The following ZNF2 variants were observed in gnomAD, a reference collection of about 807,000 sequenced individuals.
ZNF2 encodes the protein zinc finger protein 2.2.
A neutral mutation model predicts 21.9 loss-of-function variants in ZNF2; 12 were observed. The observed-to-expected ratio is 0.55, with a 90% confidence interval of 0.35 to 0.89. ZNF2 has a LOEUF of 0.89. ZNF2 is among the 40% of genes least tolerant of loss of function. The pLI, the probability that ZNF2 is intolerant of heterozygous loss-of-function variation, is 0.01. For missense variants in ZNF2, 462 were observed against 544.2 expected (o/e 0.85, Z 1.50); for synonymous variants, 186 against 196.3 (o/e 0.95, Z 0.44).
rs372246160 is a variant in ZNF2 at position 95,182,010 on chromosome 2, G to A, written c.1182G>A (p.Glu394=). 1.9e-4 allele frequency: 313 copies of A among 1,614,160 alleles called. No individual in the cohort carries two copies. The highest frequency in any genetic ancestry group is 2.5e-4 in the Non-Finnish European group (292 of 1,180,060). The change falls in exon 5 of 5, where the codon GAG becomes GAA. Residue 394 remains glutamate, a synonymous_variant. Coordinates refer to ENST00000614034, the MANE Select transcript of ZNF2 (RefSeq NM_021088.4). The stretch of plus-strand genomic sequence containing the variant: ...GGCATCAGCGTGTCCACACGGGAGA[G>A]AAGCCCTTTGAATGCACTGTGTGTG... ...LTRHQRVHTG[E]KPFECTVCGK...
chr2:95,179,464 A>G (rs1674563133), intron 3 of ZNF2, among the ~76,000 whole-genome samples: 1 of 152,246 alleles, frequency 6.6e-6, no homozygotes, highest in Non-Finnish European at 1.5e-5. Context: ...TGTTCAAGGC[A>G]AACAAATAAA....
At position 95,177,590 on chromosome 2, in the gene ZNF2, T is replaced by C; in HGVS notation, c.141T>C (p.Tyr47=). The C allele has an allele frequency of 6.2e-7, 1 of 1,613,944 alleles. No individual in the cohort carries two copies. Among genetic ancestry groups the C allele is most frequent in the Non-Finnish European group, 8.5e-7 (1 of 1,179,932 alleles). The part of the protein sequence containing the change: ...DLYKEVMLEN[Y]NSIVSLGLPV... ...ACAAGGAGGTGATGCTGGAGAACTATAACAGCATTGTGTCATTGGGTAAGG... is the reference window on the plus strand; with the variant it reads ...ACAAGGAGGTGATGCTGGAGAACTACAACAGCATTGTGTCATTGGGTAAGG... Residue 47 remains tyrosine, a synonymous_variant, in exon 3 of 5, where the codon TAT becomes TAC. Transcript: ENST00000614034.
chr2:95,172,888 C>G (rs1470239208), intron 1 of ZNF2, among the ~76,000 whole-genome samples: 1 of 151,884 alleles, frequency 6.6e-6, no homozygotes, highest in East Asian at 1.9e-4. Context: ...CCACACGCCT[C>G]GGTCTCCCAA....
chr2:95,181,367 A>C lies in ZNF2; in HGVS notation c.539A>C (p.Lys180Thr), dbSNP rs779999644. 14 of 1,614,234 alleles carry C rather than the reference A, an allele frequency of 8.7e-6. No homozygotes were observed. The highest frequency in any genetic ancestry group is 9.3e-6 in the Non-Finnish European group (11 of 1,180,042). ...CACCAGGAATGCAGTGACTGTGGGA[A>C]GACCTTTTTTGACCACTCATCCCTC... ...ERHQECSDCG[K>T]TFFDHSSLTR... The change falls in exon 5 of 5, where the codon AAG (lysine) becomes ACG (threonine). Residue 180 changes from lysine (K) to threonine (T), a missense_variant. By Grantham distance (78) the Lys-to-Thr change is moderately conservative (BLOSUM62 -1). Transcript: ENST00000614034.
In ZNF2 at chr2:95,176,124, G is replaced by C. The variant is rs575625178; in HGVS notation, c.-39-64G>C. ...CTGGTATGTGCTTCATGGGTCAAAA[G>C]ACTATGCGACAGGACTGGTCTTTCT... On this transcript the variant is annotated intron_variant, in intron 1 of 4. Coordinates refer to ENST00000614034, the MANE Select transcript of ZNF2 (RefSeq NM_021088.4). The C allele has an allele frequency of 7.0e-6, 10 of 1,419,946 alleles. No individual in the cohort carries two copies. The African/African-American group carries it at 1.1e-4, about 16-fold the overall frequency. 88.0% of individuals were successfully genotyped at this position (1,419,946 alleles called of 1,614,324 possible).
chr2:95,175,865 AT>A (rs753482884), intron 1 of ZNF2, among the ~76,000 whole-genome samples: 19 of 152,192 alleles, frequency 1.2e-4, no homozygotes, highest in Non-Finnish European at 2.4e-4. Flanking sequence ...TTGCCCAGTA[AT>A]CATTCAGGGC....
intron 1 of ZNF2, among the ~76,000 whole-genome samples, chr2:95,174,667 T>C (rs1674383378): frequency 6.6e-6 from 1 of 152,212 alleles, no homozygotes; most frequent in African/African-American, 2.4e-5. Flanking sequence ...CCCTGCTGGG[T>C]TAGGTGAGCC....
At chr2:95,180,925 T>G in intron 4 of ZNF2, 178 bp from the exon 5 acceptor site, 1 of 700,016 alleles carries the variant, frequency 1.4e-6, no homozygotes, top group Non-Finnish European at 2.4e-6. Context: ...CCATCCATTC[T>G]GTTCCCTGCC....
At position 95,181,602 on chromosome 2, in the gene ZNF2, G is replaced by A; in HGVS notation, c.774G>A (p.Gln258=). The part of the protein sequence containing the change: ...QRIHTGEKPF[Q]CNECGKAFFD... ...TTCACACTGGAGAGAAACCCTTTCA[G>A]TGCAACGAGTGTGGAAAAGCCTTTT... Residue 258 remains glutamine, a synonymous_variant, in exon 5 of 5, where the codon CAG becomes CAA. Transcript: ENST00000614034. 6.2e-7 allele frequency: 1 copy of A among 1,614,194 alleles called. No homozygotes were observed. Among genetic ancestry groups the A allele is most frequent in the Non-Finnish European group, 8.5e-7 (1 of 1,180,028 alleles).
chr2:95,178,040 C>T (rs931615609), intron 3 of ZNF2, among the ~76,000 whole-genome samples: 1 of 152,124 alleles, frequency 6.6e-6, no homozygotes, highest in Non-Finnish European at 1.5e-5. Flanking sequence ...GGGTAGGGGG[C>T]CATCTTGTCG....
At chr2:95,167,078 A>G (rs1454868792) in intron 1 of ZNF2, among the ~76,000 whole-genome samples, 1 of 152,212 alleles carries the variant, frequency 6.6e-6, no homozygotes, top group African/African-American at 2.4e-5. Context: ...TTCCAGGGCA[A>G]AAGTGGGGAA....
intron 1 of ZNF2, among the ~76,000 whole-genome samples, chr2:95,169,604 G>A (rs1252551632): frequency 1.3e-5 from 2 of 152,066 alleles, no homozygotes; most frequent in Admixed American, 6.6e-5. Context: ...ACAAAAATTA[G>A]CCAGGCATGG....
At position 95,180,244 on chromosome 2, in the gene ZNF2, G is replaced by A; in HGVS notation, c.246G>A (p.Glu82=). 4 of 1,613,710 alleles carry A rather than the reference G, an allele frequency of 2.5e-6. No homozygotes were observed. The highest frequency in any genetic ancestry group is 3.4e-6 in the Non-Finnish European group (4 of 1,179,728). ...TGGTAGATCTTCATGGGTCTGAGGA[G>A]AGAGAATGGCCAGAGAGTGTCTCTC... The part of the protein sequence containing the change: ...PWMVDLHGSE[E]REWPESVSLD... Residue 82 remains glutamate (E), a synonymous_variant, in exon 4 of 5, where the codon GAG becomes GAA. Transcript: ENST00000614034.
At chr2:95,176,480 AGCCTTCACTGTGAGTGATTTT>A (rs1333109576) in intron 2 of ZNF2, among the ~76,000 whole-genome samples, 2 of 152,100 alleles carry the variant, frequency 1.3e-5, no homozygotes, top group Non-Finnish European at 2.9e-5. Flanking sequence ...CAACTCCTGG[AGCCTTCACTGTGAGTGATTTT>A]GCCTAGAAGC....
At position 95,181,627 on chromosome 2, in the gene ZNF2, T is replaced by A; in HGVS notation, c.799T>A (p.Phe267Ile). Reference sequence around the variant, plus strand: ...GTGCAACGAGTGTGGAAAAGCCTTTTTTGACCGTTCATCCCTTACTCGACA... The same window carrying A: ...GTGCAACGAGTGTGGAAAAGCCTTTATTGACCGTTCATCCCTTACTCGACA... The part of the protein sequence containing the change: ...FQCNECGKAF[F>I]DRSSLTRHQR... Residue 267 changes from phenylalanine (F) to isoleucine (I), a missense_variant, in exon 5 of 5, where the codon TTT (phenylalanine) becomes ATT (isoleucine). Physicochemically the swap from Phe to Ile is conservative, Grantham distance 21. Transcript: ENST00000614034. 1 of 1,614,230 alleles carries A rather than the reference T, an allele frequency of 6.2e-7. No homozygotes were observed. Among genetic ancestry groups the A allele is most frequent in the Non-Finnish European group, 8.5e-7 (1 of 1,180,034 alleles).
chr2:95,177,550 T>C lies in ZNF2; in HGVS notation c.101T>C (p.Ile34Thr), dbSNP rs1368623200. The change falls in exon 3 of 5, where the codon ATA (isoleucine) becomes ACA (threonine). Residue 34 changes from isoleucine (I) to threonine (T), a missense_variant. Ile to Thr is a moderately conservative substitution (Grantham distance 89). Coordinates refer to ENST00000614034, the MANE Select transcript of ZNF2 (RefSeq NM_021088.4). Reference sequence around the variant, plus strand: ...GAAGAGTGGAGTCGTCTGGTCCCCATACAGAGGGACCTCTACAAGGAGGTG... The same window carrying C: ...GAAGAGTGGAGTCGTCTGGTCCCCACACAGAGGGACCTCTACAAGGAGGTG... ...TDEEWSRLVPIQRDLYKEVML... is the reference protein window; with the variant it reads ...TDEEWSRLVPTQRDLYKEVML... 4 of 1,613,222 alleles carry C rather than the reference T, an allele frequency of 2.5e-6. No homozygotes were observed. Among genetic ancestry groups the C allele is most frequent in the African/African-American group, 1.3e-5 (1 of 74,838 alleles).
intron 2 of ZNF2, among the ~76,000 whole-genome samples, chr2:95,177,041 G>GT (rs1335165459): frequency 6.6e-6 from 1 of 152,086 alleles, no homozygotes; most frequent in African/African-American, 2.4e-5. Flanking sequence ...GTACATCCTT[G>GT]TTTTTACAAA....
In ZNF2 at chr2:95,182,132, A is replaced by G; in HGVS notation, c.*26A>G. 1 of 1,564,872 alleles carries G rather than the reference A, an allele frequency of 6.4e-7. No homozygotes were observed. Among genetic ancestry groups the G allele is most frequent in the Non-Finnish European group, 8.7e-7 (1 of 1,155,394 alleles). On this transcript the variant is annotated 3_prime_UTR_variant, in exon 5 of 5. Transcript: ENST00000614034. ...GTTGGGCAAAAGCTTGGGTAGGACA[A>G]GAACTTCCATACAAATTTGAGATAG...
chr2:95,176,370 G>T, intron 2 of ZNF2, 111 bp downstream of exon 2: 1 of 1,265,160 alleles, frequency 7.9e-7, no homozygotes, highest in Non-Finnish European at 1.1e-6. Context: ...GCAGATGAAG[G>T]ACTCCACAGG....
Sources: allele counts gnomAD v4.1 joint callset (sites outside exome capture counted in the v4.1 genomes callset), GRCh38; gene constraint gnomAD v4.1.1; transcripts MANE v1.5; gene names NCBI Gene and HGNC (gene_info 2026-07-23, HGNC 2026-07-21).